Variants in KCNQ3 observed in about 807,000 individuals in gnomAD.
The protein encoded by KCNQ3 is potassium voltage-gated channel subfamily Q member 3, also known as potassium voltage-gated channel subfamily KQT member 3.
In KCNQ3, 30 loss-of-function variants were observed where a neutral mutation model predicts 92.5. That is an observed-to-expected ratio of 0.32 (90% CI 0.24 to 0.44). The LOEUF is 0.44. Among genes scored for constraint, KCNQ3 ranks in the 20% least tolerant of loss-of-function variants. The pLI is 1.00. For synonymous variants in KCNQ3, 450 were observed against 468.8 expected (o/e 0.96, Z 0.52); for missense variants, 913 against 1,140.3 (o/e 0.80, Z 2.87).
At chr8:132,296,598 T>C (rs1041617844) in intron 1 of KCNQ3, among the ~76,000 whole-genome samples, 3 of 152,002 alleles carry the variant, frequency 2.0e-5, no homozygotes, top group Non-Finnish European at 2.9e-5. Flanking sequence ...GTCCATGTGT[T>C]CCCATTGTTC....
chr8:132,428,795 C>T (rs1171241224), intron 1 of KCNQ3, among the ~76,000 whole-genome samples: 1 of 152,174 alleles, frequency 6.6e-6, no homozygotes, highest in Non-Finnish European at 1.5e-5. Flanking sequence ...CACTCAGTTA[C>T]ATAAGCAGAT....
intron 1 of KCNQ3, among the ~76,000 whole-genome samples, chr8:132,387,643 T>A (rs1819923397): frequency 6.6e-6 from 1 of 152,128 alleles, no homozygotes; most frequent in Non-Finnish European, 1.5e-5. Flanking sequence ...CTGCAATATA[T>A]CTGATATCAA....
At chr8:132,317,728 C>T (rs1437334497) in intron 1 of KCNQ3, among the ~76,000 whole-genome samples, 5 of 152,180 alleles carry the variant, frequency 3.3e-5, no homozygotes, top group African/African-American at 1.2e-4. Context: ...CAGGTCCTCC[C>T]TCTGGTGACC....
chr8:132,373,181 T>C (rs540044066), intron 1 of KCNQ3, among the ~76,000 whole-genome samples: 3 of 152,028 alleles, frequency 2.0e-5, no homozygotes, highest in East Asian at 3.9e-4. Context: ...GCGTCAGACA[T>C]GGGCATTGAA....
chr8:132,464,638 A>G (rs750884313), intron 1 of KCNQ3, among the ~76,000 whole-genome samples: 6 of 152,200 alleles, frequency 3.9e-5, no homozygotes, highest in Non-Finnish European at 8.8e-5. Flanking sequence ...TGTACATTAG[A>G]AAACGAAGGA....
intron 1 of KCNQ3, among the ~76,000 whole-genome samples, chr8:132,416,896 G>A (rs1403090776): frequency 6.6e-6 from 1 of 152,192 alleles, no homozygotes; most frequent in African/African-American, 2.4e-5. Flanking sequence ...CAGGGCAGGT[G>A]TTCCCTGTTG....
intron 1 of KCNQ3, among the ~76,000 whole-genome samples, chr8:132,445,302 C>T (rs1383697084): frequency 6.6e-6 from 1 of 152,058 alleles, no homozygotes; most frequent in African/African-American, 2.4e-5. Flanking sequence ...GAAGGAGAGG[C>T]AGCTGTGAGC....
intron 1 of KCNQ3, among the ~76,000 whole-genome samples, chr8:132,217,787 T>C (rs1292186395): frequency 6.6e-6 from 1 of 151,336 alleles, no homozygotes; most frequent in Non-Finnish European, 1.5e-5. Flanking sequence ...TTTTGATGAC[T>C]TTCCAGCTCA....
chr8:132,375,380 G>A (rs1209151480), intron 1 of KCNQ3, among the ~76,000 whole-genome samples: 1 of 152,142 alleles, frequency 6.6e-6, no homozygotes, highest in Non-Finnish European at 1.5e-5. Context: ...CGAGTGTCTG[G>A]TTTAATAGGA....
Position 132,218,791 on chromosome 8 carries a change from A to G in KCNQ3, c.387-32610T>C, listed in dbSNP as rs531179217. On this transcript the variant is annotated intron_variant, in intron 1 of 14. Transcript: ENST00000388996. ...TCTTTTCTCTGCTTCCAAAAAAGCT[A>G]TGATAAATTTCCCTTACTGTGGAAG... 7.2e-5 allele frequency among the ~76,000 whole-genome samples: 11 copies of G among 152,204 alleles called. No homozygotes were observed. The South Asian group carries it at 2.1e-3, about 29-fold the overall frequency.
intron 4 of KCNQ3, among the ~76,000 whole-genome samples, chr8:132,176,803 C>T (rs62519579): frequency 0.051 from 7,782 of 152,280 alleles, 316 homozygotes; most frequent in Non-Finnish European, 0.074. Context: ...CCTTTATTCC[C>T]TCCCCATTTT....
At chr8:132,137,204 C>A (rs1825131897) in intron 12 of KCNQ3, among the ~76,000 whole-genome samples, 1 of 152,068 alleles carries the variant, frequency 6.6e-6, no homozygotes, top group African/African-American at 2.4e-5. Flanking sequence ...AGAGCAGGTA[C>A]CATTCTTTCC....
At chr8:132,323,871 C>T (rs565446946) in intron 1 of KCNQ3, among the ~76,000 whole-genome samples, 7 of 152,238 alleles carry the variant, frequency 4.6e-5, no homozygotes, top group East Asian at 1.9e-4. Flanking sequence ...TTCCTCCTTA[C>T]GATACTTAAT....
intron 1 of KCNQ3, among the ~76,000 whole-genome samples, chr8:132,273,769 A>G (rs1214931006): frequency 6.6e-6 from 1 of 152,206 alleles, no homozygotes; most frequent in Non-Finnish European, 1.5e-5. Context: ...CAGATACTCT[A>G]AATAAACTCT....
At chr8:132,136,118 CAAAAA>C (rs67331428) in intron 12 of KCNQ3, among the ~76,000 whole-genome samples, 23 of 40,010 alleles carry the variant, frequency 5.7e-4, no homozygotes, top group African/African-American at 2.6e-3. Flanking sequence ...GACTCCATCT[CAAAAA>C]AAAAAAAAAA....
chr8:132,391,580 A>G (rs1820048499), intron 1 of KCNQ3, among the ~76,000 whole-genome samples: 3 of 152,010 alleles, frequency 2.0e-5, no homozygotes, highest in Admixed American at 1.3e-4. Flanking sequence ...TCACCAAACT[A>G]CTCTGCAAGG....
chr8:132,161,897 A>G (rs1036731500), intron 9 of KCNQ3, among the ~76,000 whole-genome samples: 1 of 152,170 alleles, frequency 6.6e-6, no homozygotes, highest in African/African-American at 2.4e-5. Flanking sequence ...TCTGTAGGCT[A>G]TGCAGCTATA....
intron 1 of KCNQ3, among the ~76,000 whole-genome samples, chr8:132,228,090 T>C (rs919734860): frequency 1.3e-4 from 20 of 152,192 alleles, no homozygotes; most frequent in Non-Finnish European, 4.4e-5. Flanking sequence ...AAAATGATGT[T>C]AATAAAACCA....
chr8:132,305,925 A>C (rs1817408153), intron 1 of KCNQ3, among the ~76,000 whole-genome samples: 1 of 151,082 alleles, frequency 6.6e-6, no homozygotes, highest in Non-Finnish European at 1.5e-5. Context: ...TGTGTGGGCA[A>C]ACTGAGTTTC....
Sources: gnomAD v4.1 joint callset for allele counts (sites outside exome capture counted in the v4.1 genomes callset) on GRCh38, gnomAD v4.1.1 for gene constraint, MANE v1.5 for transcripts, NCBI Gene and HGNC (gene_info 2026-07-23, HGNC 2026-07-21) for gene names.